The following TTC21B variants were observed in gnomAD, a reference collection of about 807,000 sequenced individuals.
The protein encoded by TTC21B is tetratricopeptide repeat domain 21B, also known as tetratricopeptide repeat protein 21B.
Under a neutral mutation model 175.1 loss-of-function variants are expected in TTC21B, and 127 were observed. That is an observed-to-expected ratio of 0.73 (90% CI 0.63 to 0.84). The LOEUF is 0.84. Among genes scored for constraint, TTC21B ranks in the 40% least tolerant of loss-of-function variants. The pLI is 0.00. For synonymous variants in TTC21B, 524 were observed against 524.5 expected (o/e 1.00, Z 0.01); for missense variants, 1,561 against 1,558.3 (o/e 1.00, Z -0.03).
intron 19 of TTC21B, among the ~76,000 whole-genome samples, chr2:165,904,985 A>G (rs1685681387): frequency 6.6e-6 from 1 of 152,164 alleles, no homozygotes; most frequent in South Asian, 2.1e-4. Context: ...CACATAATAG[A>G]TAGGGCAGAT....
At chr2:165,916,761 C>T (rs1190094058) in intron 14 of TTC21B, among the ~76,000 whole-genome samples, 5 of 152,076 alleles carry the variant, frequency 3.3e-5, no homozygotes, top group Non-Finnish European at 7.4e-5. Flanking sequence ...TTAAGGTCAA[C>T]CAGGAGCAAA....
At chr2:165,876,099 G>GA in intron 28 of TTC21B, 66 bp downstream of exon 28, 1 of 911,508 alleles carries the variant, frequency 1.1e-6, no homozygotes, top group Admixed American at 1.7e-5. Flanking sequence ...CATACATCTG[G>GA]AGATTTAAAA....
intron 18 of TTC21B, among the ~76,000 whole-genome samples, chr2:165,908,279 C>T (rs769654595): frequency 9.9e-5 from 15 of 152,138 alleles, no homozygotes; most frequent in Non-Finnish European, 2.1e-4. Context: ...TAATTTTGAG[C>T]AAGGTACTTA....
chr2:165,940,311 T>C (rs1687319808), intron 6 of TTC21B, among the ~76,000 whole-genome samples: 1 of 152,146 alleles, frequency 6.6e-6, no homozygotes, highest in Non-Finnish European at 1.5e-5. Context: ...GAGTGATTCT[T>C]TTAAAACAGA....
intron 10 of TTC21B, 52 bp from the exon 11 acceptor site, chr2:165,929,387 T>C: frequency 7.0e-7 from 1 of 1,427,970 alleles, no homozygotes; most frequent in South Asian, 1.2e-5. Context: ...TAAAGCCATT[T>C]ATTTCCACTT....
chr2:165,880,691 T>C lies in TTC21B; in HGVS notation c.3793A>G (p.Asn1265Asp), dbSNP rs757365458. 1 of 1,613,570 alleles carries C rather than the reference T, an allele frequency of 6.2e-7. No individual in the cohort carries two copies. Among genetic ancestry groups the C allele is most frequent in the Non-Finnish European group, 8.5e-7 (1 of 1,179,752 alleles). ...TTGCCAAACTCACCTACTGCCGGAT[T>C]TGTCCGATTGCTATATTTCCATGCC... ...EMAWKYSNRT[N>D]PAVGYKLAFN... Residue 1265 changes from asparagine (N) to aspartate (D), a missense_variant, in exon 27 of 29, where the codon AAT becomes GAT. Asn to Asp is a conservative substitution (Grantham distance 23, BLOSUM62 1). Coordinates refer to ENST00000243344, the MANE Select transcript of TTC21B (RefSeq NM_024753.5).
intron 13 of TTC21B, among the ~76,000 whole-genome samples, chr2:165,918,087 C>T (rs186356212): frequency 1.8e-4 from 28 of 152,262 alleles, no homozygotes; most frequent in African/African-American, 6.7e-4. Flanking sequence ...ACGTGGCAGC[C>T]ACCTAGCGAT....
chr2:165,911,451 A>G lies in TTC21B; in HGVS notation c.2337T>C (p.Tyr779=). 6.2e-7 allele frequency: 1 copy of G among 1,613,804 alleles called. No individual in the cohort carries two copies. The highest frequency in any genetic ancestry group is 8.5e-7 in the Non-Finnish European group (1 of 1,179,860). The change falls in exon 18 of 29, where the codon TAT becomes TAC. Residue 779 remains tyrosine, a synonymous_variant. Coordinates refer to ENST00000243344, the MANE Select transcript of TTC21B (RefSeq NM_024753.5). ...TTTGTCCAGTTTTCAGAGCAGCTTC[A>G]TAGTAAGTGATTGCCTAAACAAAAT... ...THNYSMAITY[Y]EAALKTGQKN...
In TTC21B at chr2:165,884,001, C is replaced by T. The variant is rs545954417; in HGVS notation, c.3477G>A (p.Ala1159=). 3.9e-5 allele frequency: 63 copies of T among 1,613,968 alleles called. 1 individual carries two copies. Among genetic ancestry groups the T allele is most frequent in the Admixed American group, 5.0e-5 (3 of 60,006 alleles). ...TATAAGCCGTTGCCATTCCCAAGAGCGCTGGGATATGCTCCTTCTATAAGA... is the reference window on the plus strand; with the variant it reads ...TATAAGCCGTTGCCATTCCCAAGAGTGCTGGGATATGCTCCTTCTATAAGA... ...IAASEKEHIP[A]LLGMATAYMI... The change falls in exon 26 of 29, where the codon GCG becomes GCA. Residue 1159 remains alanine, a synonymous_variant. Coordinates refer to ENST00000243344, the MANE Select transcript of TTC21B (RefSeq NM_024753.5).
intron 11 of TTC21B, among the ~76,000 whole-genome samples, chr2:165,926,274 T>A (rs528193579): frequency 3.3e-5 from 5 of 152,316 alleles, no homozygotes; most frequent in African/African-American, 1.2e-4. Flanking sequence ...TACAGTTTAT[T>A]CTCAGCACAT....
Position 165,945,546 on chromosome 2 carries a change from TTGATCATTC to T in TTC21B, c.398_406del (p.Arg133_Ile135del). 6.2e-7 allele frequency: 1 copy of T among 1,613,638 alleles called. No individual in the cohort carries two copies. On this transcript the variant is annotated inframe_deletion, in exon 4 of 29. Coordinates refer to ENST00000243344, the MANE Select transcript of TTC21B (RefSeq NM_024753.5). ...TACCTGTTTACTACCATCTGATATT[TTGATCATTC>T]TGTCAATATATTCCCTTGCTTTATC...
rs886055029 is a variant in TTC21B, at chr2:165,949,683, A to G, written c.63T>C (p.His21=). The G allele has an allele frequency of 6.2e-7, 1 of 1,612,566 alleles. No homozygotes were observed. ...NYYCQERYFH[H]VLLVASEGIK... ...TTCCTTCACTGGCAACCAGTAATACATGATGGAAATATCTCTCTTGACAAT... is the reference window on the plus strand; with the variant it reads ...TTCCTTCACTGGCAACCAGTAATACGTGATGGAAATATCTCTCTTGACAAT... The change falls in exon 2 of 29, where the codon CAT becomes CAC. Residue 21 remains histidine (H), a synonymous_variant. Transcript: ENST00000243344.
rs142216312 is a variant in TTC21B at position 165,912,207 on chromosome 2, G to C, written c.2322+307C>G. ...CTTGCAAAAATTGGTGCAACAGAAA[G>C]AACATTTATCATGTTTTGTTACACA... On this transcript the variant is annotated intron_variant, in intron 17 of 28. Transcript: ENST00000243344. Among the ~76,000 whole-genome samples, 220 of 152,184 alleles carry C rather than the reference G, an allele frequency of 1.4e-3. 1 individual carries two copies. The highest frequency in any genetic ancestry group is 5.1e-3 in the African/African-American group (210 of 41,542).
chr2:165,936,209 A>G (rs1687135304), intron 6 of TTC21B, among the ~76,000 whole-genome samples: 1 of 152,120 alleles, frequency 6.6e-6, no homozygotes, highest in African/African-American at 2.4e-5. Context: ...AATGCAGTGG[A>G]GAAAAGACAC....
intron 22 of TTC21B, 126 bp from the exon 23 acceptor site, chr2:165,891,114 G>A: frequency 4.7e-6 from 4 of 847,008 alleles, no homozygotes; most frequent in Non-Finnish European, 5.5e-6. Context: ...AATAAAAAAT[G>A]CCTCAGGGTA....
intron 27 of TTC21B, among the ~76,000 whole-genome samples, chr2:165,877,258 CA>C (rs1318914128): frequency 6.6e-6 from 1 of 151,994 alleles, no homozygotes; most frequent in Non-Finnish European, 1.5e-5. Flanking sequence ...AGTACCAAAA[CA>C]AATGTTTAAA....
At chr2:165,951,576 C>A (rs369539865) in intron 1 of TTC21B, among the ~76,000 whole-genome samples, 181 of 152,224 alleles carry the variant, frequency 1.2e-3, no homozygotes, top group African/African-American at 4.1e-3. Context: ...TAAGTCTAAC[C>A]ACTTAGTAGG....
At chr2:165,877,206 A>G (rs1183060735) in intron 27 of TTC21B, among the ~76,000 whole-genome samples, 1 of 152,226 alleles carries the variant, frequency 6.6e-6, no homozygotes, top group Non-Finnish European at 1.5e-5. Flanking sequence ...TCTTAAAAAT[A>G]TGAAATAAGA....
Position 165,888,414 on chromosome 2 carries a change from AAG to A in TTC21B, c.3322_3323del (p.Leu1108Ter). 6.2e-7 allele frequency: 1 copy of A among 1,613,908 alleles called. No individual in the cohort carries two copies. The highest frequency in any genetic ancestry group is 8.5e-7 in the Non-Finnish European group (1 of 1,179,882). Reference protein sequence around the residue: ...QLAVRTAEKLLKELKPQTVQG... With the variant: ...QLAVRTAEKLXKELKPQTVQG... ...GAACAGTCTGAGGTTTTAGTTCCTTAAGAAGTTTTTCTGCTGTTCTTACTGCC... is the reference window on the plus strand; with the variant it reads ...GAACAGTCTGAGGTTTTAGTTCCTTAAAGTTTTTCTGCTGTTCTTACTGCC... On this transcript the variant is annotated frameshift_variant, in exon 25 of 29. Transcript: ENST00000243344. LOFTEE classifies it high-confidence loss of function.
Sources: allele counts gnomAD v4.1 joint callset (sites outside exome capture counted in the v4.1 genomes callset), GRCh38; gene constraint gnomAD v4.1.1; transcripts MANE v1.5; gene names NCBI Gene and HGNC (gene_info 2026-07-23, HGNC 2026-07-21).